The following ABTB3 variants were observed in gnomAD, a reference collection of about 807,000 sequenced individuals.
ABTB3 encodes ankyrin repeat and BTB domain containing 3.
the ABTB3 span, among the ~76,000 whole-genome samples, chr12:107,353,881 T>G: frequency 6.6e-6 from 1 of 152,002 alleles, no homozygotes; most frequent in Non-Finnish European, 1.5e-5. Context: ...CCTGAAACCA[T>G]TCCCTCCCCC....
the ABTB3 span, among the ~76,000 whole-genome samples, chr12:107,487,927 C>G: frequency 2.7e-5 from 4 of 150,196 alleles, no homozygotes; most frequent in East Asian, 5.9e-4. Context: ...AAAGGGGGCC[C>G]GCTTTCAGGT....
the ABTB3 span, among the ~76,000 whole-genome samples, chr12:107,329,204 G>A: frequency 2.0e-5 from 3 of 152,192 alleles, no homozygotes; most frequent in Non-Finnish European, 4.4e-5. Context: ...AGGAGACTGA[G>A]GCTGGTCCTC....
chr12:107,342,609 T>C, the ABTB3 span, among the ~76,000 whole-genome samples: 6 of 152,170 alleles, frequency 3.9e-5, no homozygotes, highest in Non-Finnish European at 8.8e-5. Context: ...TCCTATTGAC[T>C]GCAGGGTCAA....
chr12:107,637,510 TATAAA>T, the ABTB3 span, among the ~76,000 whole-genome samples: 3 of 152,114 alleles, frequency 2.0e-5, no homozygotes, highest in Non-Finnish European at 4.4e-5. Flanking sequence ...AAGCTCATGA[TATAAA>T]AGAAAAAGCA....
chr12:107,508,835 C>A, the ABTB3 span, among the ~76,000 whole-genome samples: 1 of 152,174 alleles, frequency 6.6e-6, no homozygotes, highest in African/African-American at 2.4e-5. Flanking sequence ...TGGCGTTATG[C>A]CCATGAGTGT....
the ABTB3 span, among the ~76,000 whole-genome samples, chr12:107,374,460 G>A: frequency 2.6e-5 from 4 of 152,144 alleles, no homozygotes; most frequent in African/African-American, 4.8e-5. Flanking sequence ...TTCAAAGTTG[G>A]CTTTTCAAAT....
At chr12:107,638,229 A>G in the ABTB3 span, among the ~76,000 whole-genome samples, 1 of 152,176 alleles carries the variant, frequency 6.6e-6, no homozygotes, top group Admixed American at 6.5e-5. Flanking sequence ...TGACAGAGAA[A>G]GGTGAGTGGA....
the ABTB3 span, among the ~76,000 whole-genome samples, chr12:107,511,226 G>T: frequency 1.3e-5 from 2 of 152,200 alleles, no homozygotes; most frequent in Non-Finnish European, 1.5e-5. Context: ...ACAGCAACAT[G>T]GGGAAAAGTG....
the ABTB3 span, among the ~76,000 whole-genome samples, chr12:107,611,800 C>G: frequency 1.2e-4 from 18 of 152,292 alleles, no homozygotes; most frequent in African/African-American, 4.3e-4. Context: ...TATCTTTTGC[C>G]TGTTTTCCAT....
At chr12:107,404,090 G>C in the ABTB3 span, among the ~76,000 whole-genome samples, 1 of 148,106 alleles carries the variant, frequency 6.8e-6, no homozygotes, top group African/African-American at 2.5e-5. Context: ...TTGAACCCGG[G>C]AGGCAGAGGT....
the ABTB3 span, among the ~76,000 whole-genome samples, chr12:107,577,673 G>A: frequency 6.6e-6 from 1 of 152,070 alleles, no homozygotes; most frequent in Admixed American, 6.5e-5. Context: ...TGAAGATGTA[G>A]ATGGCCACTG....
the ABTB3 span, among the ~76,000 whole-genome samples, chr12:107,363,257 G>A: frequency 7.1e-4 from 108 of 152,334 alleles, 2 homozygotes; most frequent in South Asian, 1.0e-3. Context: ...ACCATGAGCA[G>A]CAATTATGAT....
At chr12:107,461,688 A>C in the ABTB3 span, among the ~76,000 whole-genome samples, 2 of 152,212 alleles carry the variant, frequency 1.3e-5, no homozygotes, top group African/African-American at 4.8e-5. Context: ...GCCTTGAAAA[A>C]GAAAGTTTTG....
chr12:107,640,582 G>T, the ABTB3 span, among the ~76,000 whole-genome samples: 3 of 152,166 alleles, frequency 2.0e-5, no homozygotes, highest in Admixed American at 2.0e-4. Context: ...CCTAGAACAA[G>T]GGGCCCTCTC....
chr12:107,376,366 G>A, the ABTB3 span, among the ~76,000 whole-genome samples: 1 of 152,162 alleles, frequency 6.6e-6, no homozygotes, highest in Non-Finnish European at 1.5e-5. Context: ...TATATTTGAT[G>A]AATGGATGAA....
At chr12:107,520,720 C>A in the ABTB3 span, 2 of 1,528,248 alleles carry the variant, frequency 1.3e-6, no homozygotes, top group Non-Finnish European at 1.8e-6. Context: ...CTCATGCCAA[C>A]CCCTCAGGGC....
At chr12:107,611,071 G>A in the ABTB3 span, among the ~76,000 whole-genome samples, 1 of 152,076 alleles carries the variant, frequency 6.6e-6, no homozygotes, top group South Asian at 2.1e-4. Context: ...TAATTTTATT[G>A]AGCAACACCA....
the ABTB3 span, among the ~76,000 whole-genome samples, chr12:107,608,973 A>AATAAAAT: frequency 6.5e-4 from 58 of 89,676 alleles, no homozygotes; most frequent in Admixed American, 1.5e-3. Flanking sequence ...TAAAATATAA[A>AATAAAAT]ATAAAATAAA....
the ABTB3 span, among the ~76,000 whole-genome samples, chr12:107,547,734 G>A: frequency 1.3e-5 from 2 of 152,126 alleles, no homozygotes; most frequent in South Asian, 2.1e-4. Flanking sequence ...ATCCCAGCTC[G>A]GCTTCTTGTA....
Sources: gnomAD v4.1 joint callset for allele counts (sites outside exome capture counted in the v4.1 genomes callset) on GRCh38, gnomAD v4.1.1 for gene constraint, MANE v1.5 for transcripts, NCBI Gene and HGNC (gene_info 2026-07-23, HGNC 2026-07-21) for gene names.